DCUN1D4: variants seen among roughly 807,000 people sequenced by gnomAD.
DCUN1D4 encodes defective in cullin neddylation 1 domain containing 4, also known as DCN1-like protein 4.
Under a neutral mutation model 47.9 loss-of-function variants are expected in DCUN1D4, and 22 were observed. The observed-to-expected ratio is 0.46, with a 90% CI of 0.33 to 0.66. The LOEUF (loss-of-function observed/expected upper bound fraction) is 0.66, where lower values mean the gene tolerates loss of function less well. Among genes scored for constraint, DCUN1D4 ranks in the 30% least tolerant of loss-of-function variants. The pLI, the probability that DCUN1D4 is intolerant of heterozygous loss-of-function variation, is 0.02. For synonymous variants in DCUN1D4, 121 were observed against 112.2 expected (o/e 1.08, Z -0.50); for missense variants, 301 against 340.8 (o/e 0.88, Z 0.92).
At chr4:51,899,425 CT>C in intron 8 of DCUN1D4, 47 bp downstream of exon 8, 2 of 1,543,034 alleles carry the variant, frequency 1.3e-6, no homozygotes, top group East Asian at 2.4e-5. Context: ...CTTCCCTCCC[CT>C]TTTTAAATTG....
chr4:51,834,084 C>G, the DCUN1D4 span, among the ~76,000 whole-genome samples: 5 of 44,978 alleles, frequency 1.1e-4, 1 homozygote, highest in South Asian at 1.2e-3. Flanking sequence ...CTCTCTCTCT[C>G]TCTTTTCTTT....
intron 4 of DCUN1D4, among the ~76,000 whole-genome samples, chr4:51,876,643 T>A (rs1727737328): frequency 6.6e-6 from 1 of 152,150 alleles, no homozygotes; most frequent in African/African-American, 2.4e-5. Context: ...TTCTGTGGAT[T>A]TTTTTCAGCC....
intron 7 of DCUN1D4, among the ~76,000 whole-genome samples, chr4:51,894,702 C>T (rs1485295564): frequency 2.0e-5 from 3 of 152,088 alleles, no homozygotes; most frequent in Non-Finnish European, 4.4e-5. Flanking sequence ...ATTTTGTCTT[C>T]TATTTTGGAT....
In DCUN1D4 at chr4:51,897,162, T is replaced by TA. The variant is rs1196370244; in HGVS notation, c.507-2104dup. On this transcript the variant is annotated intron_variant, in intron 7 of 10. Coordinates refer to ENST00000334635, the MANE Select transcript of DCUN1D4 (RefSeq NM_001040402.3). ...CTCTTGAAGAAGTCTTTTCCGACTC[T>TA]AAAATAGCCTAATTTTAATCTTTTT... Among the ~76,000 whole-genome samples, 5 of 152,352 alleles carry TA rather than the reference T, an allele frequency of 3.3e-5. No homozygotes were observed. In the East Asian group the frequency reaches 7.7e-4, roughly 23 times the overall value.
chr4:51,909,977 G>A (rs1020810157), intron 8 of DCUN1D4, among the ~76,000 whole-genome samples: 13 of 152,184 alleles, frequency 8.5e-5, no homozygotes, highest in South Asian at 2.1e-4. Context: ...ACTGTTAAGC[G>A]TCCTTGCAGT....
intron 8 of DCUN1D4, among the ~76,000 whole-genome samples, chr4:51,904,673 T>A (rs1004769627): frequency 6.6e-6 from 1 of 152,208 alleles, no homozygotes; most frequent in African/African-American, 2.4e-5. Flanking sequence ...GTGTTGCCTG[T>A]TTTTCATCAT....
chr4:51,835,698 G>A, the DCUN1D4 span, among the ~76,000 whole-genome samples: 1 of 152,074 alleles, frequency 6.6e-6, no homozygotes, highest in Non-Finnish European at 1.5e-5. Context: ...GCTGCTTGGG[G>A]CCTCGGGTTG....
upstream of DCUN1D4, among the ~76,000 whole-genome samples, chr4:51,842,321 C>T (rs1721733798): frequency 6.6e-6 from 1 of 152,172 alleles, no homozygotes; most frequent in Non-Finnish European, 1.5e-5. Flanking sequence ...GTATTTCTGT[C>T]TGATGTCTGG....
chr4:51,892,715 A>G (rs1020523119), intron 7 of DCUN1D4, among the ~76,000 whole-genome samples: 2 of 152,210 alleles, frequency 1.3e-5, no homozygotes, highest in Admixed American at 1.3e-4. Context: ...GTTTCATTCA[A>G]GAAAACAAAT....
At chr4:51,836,315 C>G in the DCUN1D4 span, among the ~76,000 whole-genome samples, 2 of 152,126 alleles carry the variant, frequency 1.3e-5, no homozygotes, top group African/African-American at 4.8e-5. Flanking sequence ...TTTGCTTTAA[C>G]CTGTCTTAGC....
chr4:51,848,572 TATTA>T (rs1301719765), intron 1 of DCUN1D4, among the ~76,000 whole-genome samples: 3 of 152,230 alleles, frequency 2.0e-5, no homozygotes, highest in African/African-American at 4.8e-5. Flanking sequence ...CTCGAATTGG[TATTA>T]ATTCTTCTCA....
chr4:51,893,766 C>G (rs1730814761), intron 7 of DCUN1D4, among the ~76,000 whole-genome samples: 1 of 152,184 alleles, frequency 6.6e-6, no homozygotes, highest in African/African-American at 2.4e-5. Context: ...TTAAAGTGTC[C>G]TTGTGATGAT....
At chr4:51,903,848 TCCAGTTTCTCTCC>T (rs1480091689) in intron 8 of DCUN1D4, among the ~76,000 whole-genome samples, 1 of 152,202 alleles carries the variant, frequency 6.6e-6, no homozygotes, top group Non-Finnish European at 1.5e-5. Context: ...TGTTTATGTC[TCCAGTTTCTCTCC>T]CCATCATGAT....
chr4:51,908,530 G>A (rs376709991), intron 8 of DCUN1D4, among the ~76,000 whole-genome samples: 14 of 152,010 alleles, frequency 9.2e-5, no homozygotes, highest in African/African-American at 2.7e-4. Flanking sequence ...TGTTGACAGC[G>A]TATAATTTTA....
In DCUN1D4 at chr4:51,913,510, T is replaced by C. The variant is rs1474354446; in HGVS notation, c.824-19T>C. ...GTTATTATTATTATTATTACTACTGTTTCTCTCTTTCTCTCCAGGGCCAGT... is the reference window on the plus strand; with the variant it reads ...GTTATTATTATTATTATTACTACTGCTTCTCTCTTTCTCTCCAGGGCCAGT... On this transcript the variant is annotated intron_variant, in intron 10 of 10. Coordinates refer to ENST00000334635, the MANE Select transcript of DCUN1D4 (RefSeq NM_001040402.3). 5.0e-6 allele frequency: 8 copies of C among 1,607,122 alleles called. No individual in the cohort carries two copies. The highest frequency in any genetic ancestry group is 6.8e-6 in the Non-Finnish European group (8 of 1,174,976).
Position 51,913,283 on chromosome 4 carries a change from C to G in DCUN1D4, c.721-7C>G. 1 of 1,573,978 alleles carries G rather than the reference C, an allele frequency of 6.4e-7. No individual in the cohort carries two copies. Among genetic ancestry groups the G allele is most frequent in the Non-Finnish European group, 8.7e-7 (1 of 1,147,858 alleles). On this transcript the variant is annotated splice_polypyrimidine_tract_variant and splice_region_variant and intron_variant, in intron 9 of 10. Transcript: ENST00000334635. ...TCAGTAATTCATATTACTTTTCCCT[C>G]CATCAGCAATCAAAATACAAAGTTA...
At chr4:51,904,768 G>A (rs1732622134) in intron 8 of DCUN1D4, among the ~76,000 whole-genome samples, 1 of 152,074 alleles carries the variant, frequency 6.6e-6, no homozygotes, top group Non-Finnish European at 1.5e-5. Flanking sequence ...GCCTATCTTG[G>A]TTGGAAGAAG....
upstream of DCUN1D4, chr4:51,843,150 C>T (rs951784155): frequency 1.2e-5 from 18 of 1,511,926 alleles, no homozygotes; most frequent in Non-Finnish European, 1.4e-5. Flanking sequence ...GCGGCGGGTC[C>T]TCAGCTTCGA....
intron 7 of DCUN1D4, among the ~76,000 whole-genome samples, chr4:51,892,968 A>G (rs532451901): frequency 1.3e-4 from 20 of 152,342 alleles, no homozygotes; most frequent in African/African-American, 4.6e-4. Flanking sequence ...TCCATTTGTT[A>G]TTGTTGAGAA....
Sources: gnomAD v4.1 joint callset for allele counts (sites outside exome capture counted in the v4.1 genomes callset) on GRCh38, gnomAD v4.1.1 for gene constraint, MANE v1.5 for transcripts, NCBI Gene and HGNC (gene_info 2026-07-23, HGNC 2026-07-21) for gene names.